Variants in TTC6 observed in about 807,000 individuals in gnomAD.
TTC6 encodes tetratricopeptide repeat protein 6.
Under a neutral mutation model 210.4 loss-of-function variants are expected in TTC6, and 172 were observed. The observed-to-expected ratio is 0.82, with a 90% CI of 0.72 to 0.93. The LOEUF (loss-of-function observed/expected upper bound fraction) is 0.93. Among genes scored for constraint, TTC6 ranks in the 40% least tolerant of loss-of-function variants. The pLI is 0.00. For synonymous variants in TTC6, 804 were observed against 819.6 expected (o/e 0.98, Z 0.32); for missense variants, 2,414 against 2,318.1 (o/e 1.04, Z -0.85).
At chr14:37,777,150 A>T (rs1340985400) in intron 14 of TTC6, among the ~76,000 whole-genome samples, 1 of 152,170 alleles carries the variant, frequency 6.6e-6, no homozygotes, top group African/African-American at 2.4e-5. Context: ...CCTTTCTAGC[A>T]AAGTTGGGGA....
intron 26 of TTC6, among the ~76,000 whole-genome samples, chr14:37,821,826 G>A (rs555955182): frequency 3.5e-5 from 5 of 143,020 alleles, no homozygotes; most frequent in African/African-American, 1.3e-4. Context: ...TGTTGCCCAG[G>A]CTGGAGTGCA....
At chr14:37,797,093 T>TTA in intron 20 of TTC6, 146 bp downstream of exon 22, 1 of 751,718 alleles carries the variant, frequency 1.3e-6, no homozygotes. Context: ...TTCTCTCTTT[T>TTA]TTGTGCCCCC....
chr14:37,612,197 A>G (rs1475315477), intron 2 of TTC6, among the ~76,000 whole-genome samples: 1 of 152,188 alleles, frequency 6.6e-6, no homozygotes, highest in African/African-American at 2.4e-5. Flanking sequence ...GAACCTTTTC[A>G]TTCTTCTGCC....
intron 15 of TTC6, 99 bp from the exon 18 acceptor site, chr14:37,790,618 A>C: frequency 1.0e-6 from 1 of 980,664 alleles, no homozygotes; most frequent in South Asian, 1.6e-5. Flanking sequence ...ATAATGTTAA[A>C]AAATGAGAAT....
At chr14:37,649,809 T>C (rs1392080270) in intron 1 of TTC6, among the ~76,000 whole-genome samples, 2 of 152,220 alleles carry the variant, frequency 1.3e-5, no homozygotes, top group Non-Finnish European at 1.5e-5. Context: ...AGGCAACGTA[T>C]AGTTAGTGGT....
intron 1 of TTC6, among the ~76,000 whole-genome samples, chr14:37,633,749 G>T (rs929981579): frequency 6.6e-6 from 1 of 152,170 alleles, no homozygotes; most frequent in African/African-American, 2.4e-5. Context: ...CTTCCCTCTG[G>T]TGTCAATGGA....
At chr14:37,731,231 T>G (rs28481790) in intron 7 of TTC6, among the ~76,000 whole-genome samples, 58,870 of 151,978 alleles carry the variant, frequency 0.39, 11,921 homozygotes, top group Admixed American at 0.47. Context: ...TATTGTTGAT[T>G]CATTGCTACT....
At position 37,760,676 on chromosome 14, in the gene TTC6, T is replaced by G. The variant is rs935245197; in HGVS notation, c.3266+7441T>G. On this transcript the variant is annotated intron_variant, in intron 14 of 30. Coordinates refer to ENST00000553443, the Ensembl canonical transcript of TTC6. ...GATGGGAGTTTTATCTATAAGCCCC[T>G]AACTGGGACTGCTGCCTTTCTTTCA... Among the ~76,000 whole-genome samples, 8 of 152,174 alleles carry G rather than the reference T, an allele frequency of 5.3e-5. No homozygotes were observed. The East Asian group carries it at 9.6e-4, about 18-fold the overall frequency.
At chr14:37,842,031 A>C in intron 30 of TTC6, 124 bp from the exon 33 acceptor site, 1 of 819,608 alleles carries the variant, frequency 1.2e-6, no homozygotes, top group East Asian at 2.9e-5. Flanking sequence ...AAAAGTATTA[A>C]AGTTCTTGAT....
intron 14 of TTC6, among the ~76,000 whole-genome samples, chr14:37,778,857 C>T (rs576356331): frequency 6.6e-6 from 1 of 152,216 alleles, no homozygotes; most frequent in East Asian, 1.9e-4. Context: ...GGCATCATCT[C>T]CAGGGCAAGG....
chr14:37,711,533 T>A (rs1241836230), intron 5 of TTC6, among the ~76,000 whole-genome samples: 1 of 152,124 alleles, frequency 6.6e-6, no homozygotes, highest in Non-Finnish European at 1.5e-5. Context: ...CTGTTTCCCC[T>A]ATTGCTCCTG....
At chr14:37,600,507 C>G (rs1285978763) in intron 1 of TTC6, among the ~76,000 whole-genome samples, 1 of 152,148 alleles carries the variant, frequency 6.6e-6, no homozygotes, top group East Asian at 1.9e-4. Flanking sequence ...CCCCCACACA[C>G]CCAGGAGCTT....
chr14:37,796,963 A>G lies in TTC6; in HGVS notation c.4029+16A>G, dbSNP rs2096094255. On this transcript the variant is annotated intron_variant, in intron 20 of 30. Transcript: ENST00000553443. The stretch of plus-strand genomic sequence containing the variant: ...GAGAACCAAGGTGAAAAGTCCTCTG[A>G]GTAATGTTTACTAAACCTATTAATG... 6.3e-7 allele frequency: 1 copy of G among 1,577,346 alleles called. No individual in the cohort carries two copies. Among genetic ancestry groups the G allele is most frequent in the Non-Finnish European group, 8.6e-7 (1 of 1,163,928 alleles).
At chr14:37,811,690 G>A (rs1459470459) in intron 24 of TTC6, among the ~76,000 whole-genome samples, 1 of 151,884 alleles carries the variant, frequency 6.6e-6, no homozygotes, top group Non-Finnish European at 1.5e-5. Flanking sequence ...AATGGAGAAG[G>A]GTCTGAGTTG....
At chr14:37,803,002 G>T (rs529939974) in intron 20 of TTC6, among the ~76,000 whole-genome samples, 7 of 152,198 alleles carry the variant, frequency 4.6e-5, no homozygotes, top group Admixed American at 2.0e-4. Context: ...CAAAGTGCTG[G>T]AATTACAGGT....
intron 2 of TTC6, among the ~76,000 whole-genome samples, chr14:37,607,950 T>C (rs1595001781): frequency 6.6e-6 from 1 of 152,372 alleles, no homozygotes; most frequent in Admixed American, 6.5e-5. Flanking sequence ...ATACTCTTAC[T>C]AACTTTGTAA....
At chr14:37,787,365 A>G (rs1365020619) in intron 14 of TTC6, 103 bp from the exon 17 acceptor site, 4 of 864,560 alleles carry the variant, frequency 4.6e-6, no homozygotes, top group Non-Finnish European at 6.6e-6. Context: ...AAGGAGAAAC[A>G]TTTACAAATT....
chr14:37,764,013 G>A (rs1401453408), intron 14 of TTC6, among the ~76,000 whole-genome samples: 2 of 151,986 alleles, frequency 1.3e-5, no homozygotes, highest in African/African-American at 4.8e-5. Context: ...TTGTCTCAAA[G>A]TATTTTTTAA....
At chr14:37,636,692 C>G (rs1393951591) in intron 1 of TTC6, among the ~76,000 whole-genome samples, 1 of 152,112 alleles carries the variant, frequency 6.6e-6, no homozygotes, top group African/African-American at 2.4e-5. Context: ...TAACTTTCCA[C>G]CTAATGTTAT....
Sources: gnomAD v4.1 joint callset for allele counts (sites outside exome capture counted in the v4.1 genomes callset) on GRCh38, gnomAD v4.1.1 for gene constraint, MANE v1.5 for transcripts, NCBI Gene and HGNC (gene_info 2026-07-23, HGNC 2026-07-21) for gene names.